The following SNX9 variants were observed in gnomAD, a reference collection of about 807,000 sequenced individuals.
The protein encoded by SNX9 is sorting nexin 9, also known as sorting nexin-9.
SNX9 carries 44 observed loss-of-function variants against 89.4 expected under a neutral mutation model. The ratio of observed to expected loss-of-function variants is 0.49; its 90% confidence interval spans 0.39 to 0.63. The LOEUF (loss-of-function observed/expected upper bound fraction) is 0.63. Among genes scored for constraint, SNX9 ranks in the 30% least tolerant of loss-of-function variants. SNX9 has a pLI of 0.00. For synonymous variants in SNX9, 236 were observed against 247.8 expected (o/e 0.95, Z 0.45); for missense variants, 578 against 736.1 (o/e 0.79, Z 2.49).
intron 9 of SNX9, among the ~76,000 whole-genome samples, chr6:157,917,725 A>G (rs1461303897): frequency 6.6e-6 from 1 of 152,182 alleles, no homozygotes; most frequent in Non-Finnish European, 1.5e-5. Context: ...TATAATACCT[A>G]ATACAATGTA....
At chr6:157,891,449 A>T (rs1007473509) in intron 4 of SNX9, among the ~76,000 whole-genome samples, 1 of 152,224 alleles carries the variant, frequency 6.6e-6, no homozygotes, top group Non-Finnish European at 1.5e-5. Flanking sequence ...AAGTCTTAGT[A>T]TACATAGTCT....
rs1782549380 is a variant in SNX9, at chr6:157,877,814, CTT to C, written c.300+2640_300+2641del. ...TCTGCCAACTTCTGAGCCAGTGTCT[CTT>C]TACTCATCTTAGCATCAGTAAGTTT... On this transcript the variant is annotated intron_variant, in intron 4 of 17. Coordinates refer to ENST00000392185, the MANE Select transcript of SNX9 (RefSeq NM_016224.5). Among the ~76,000 whole-genome samples, 5 of 152,242 alleles carry C rather than the reference CTT, an allele frequency of 3.3e-5. No individual in the cohort carries two copies. In the South Asian group the frequency reaches 1.0e-3, roughly 32 times the overall value.
At chr6:157,844,600 G>GTTTTTTTTTTTTTTTTTTTT (rs34836632) in intron 1 of SNX9, among the ~76,000 whole-genome samples, 3 of 131,830 alleles carry the variant, frequency 2.3e-5, no homozygotes, top group South Asian at 2.6e-4. Flanking sequence ...TTTTTTTTTT[G>GTTTTTTTTTTTTTTTTTTTT]TTTTTTTTTT....
At chr6:157,867,789 T>G (rs1306519399) in intron 2 of SNX9, among the ~76,000 whole-genome samples, 156 bp downstream of exon 2, 2 of 152,236 alleles carry the variant, frequency 1.3e-5, no homozygotes, top group Non-Finnish European at 2.9e-5. Context: ...CCACATGATT[T>G]TTTTCCTGTT....
chr6:157,935,178 G>C (rs530604925), intron 13 of SNX9, among the ~76,000 whole-genome samples: 1 of 152,242 alleles, frequency 6.6e-6, no homozygotes, highest in Non-Finnish European at 1.5e-5. Context: ...CTCTACCTCT[G>C]GGTAACCGGA....
intron 1 of SNX9, among the ~76,000 whole-genome samples, chr6:157,834,150 GTTTTTTTT>G (rs561509955): frequency 2.8e-5 from 1 of 35,642 alleles, no homozygotes; most frequent in Non-Finnish European, 4.8e-5. Context: ...GTCCACTGTG[GTTTTTTTT>G]TTTTTTTTTT....
intron 4 of SNX9, among the ~76,000 whole-genome samples, chr6:157,884,543 C>G (rs1782692292): frequency 3.3e-5 from 5 of 152,146 alleles, no homozygotes; most frequent in Admixed American, 2.6e-4. Context: ...TTGAGACTTT[C>G]TCTTTACAGA....
chr6:157,840,826 A>G (rs1475297665), intron 1 of SNX9, among the ~76,000 whole-genome samples: 2 of 152,202 alleles, frequency 1.3e-5, no homozygotes, highest in Non-Finnish European at 2.9e-5. Flanking sequence ...TCTGATAGAA[A>G]ATTTCAGATT....
At chr6:157,851,808 T>G (rs539039920) in intron 1 of SNX9, among the ~76,000 whole-genome samples, 1 of 152,224 alleles carries the variant, frequency 6.6e-6, no homozygotes, top group African/African-American at 2.4e-5. Flanking sequence ...AAGCTGGTCT[T>G]GAACTTCTGA....
chr6:157,844,500 TAGG>T (rs1279418760), intron 1 of SNX9, among the ~76,000 whole-genome samples: 44 of 151,630 alleles, frequency 2.9e-4, no homozygotes, highest in Admixed American at 2.8e-3. Context: ...GCACTGATCT[TAGG>T]AGCAGTTTAG....
chr6:157,916,048 T>C (rs1333944058), intron 9 of SNX9, among the ~76,000 whole-genome samples: 1 of 151,430 alleles, frequency 6.6e-6, no homozygotes, highest in Admixed American at 6.6e-5. Flanking sequence ...TTTTTTTTTT[T>C]GTTTGAGACG....
chr6:157,834,163 T>TTTG (rs1781532578), intron 1 of SNX9, among the ~76,000 whole-genome samples: 1 of 105,292 alleles, frequency 9.5e-6, no homozygotes, highest in African/African-American at 4.2e-5. Flanking sequence ...TTTTTTTTTT[T>TTTG]TTTTTTTTTT....
intron 7 of SNX9, among the ~76,000 whole-genome samples, chr6:157,907,070 C>T (rs1037211865): frequency 3.9e-5 from 6 of 152,142 alleles, no homozygotes; most frequent in African/African-American, 1.2e-4. Context: ...TGGAAGCCTC[C>T]AAGCTGAAGA....
intron 3 of SNX9, among the ~76,000 whole-genome samples, chr6:157,873,659 C>G (rs879640522): frequency 6.0e-5 from 9 of 149,400 alleles, no homozygotes; most frequent in Admixed American, 6.0e-4. Flanking sequence ...TATAATATGA[C>G]ACATATAACG....
chr6:157,851,076 T>C (rs1388902502), intron 1 of SNX9, among the ~76,000 whole-genome samples: 1 of 152,066 alleles, frequency 6.6e-6, no homozygotes, highest in African/African-American at 2.4e-5. Context: ...GCCCACATGG[T>C]GAAACCCTAT....
At chr6:157,905,309 A>T (rs75597730) in intron 6 of SNX9, among the ~76,000 whole-genome samples, 1,871 of 152,316 alleles carry the variant, frequency 0.012, 50 homozygotes, top group East Asian at 0.12. Context: ...ATGCGACTGG[A>T]ACTTCGTAGA....
At chr6:157,937,861 C>T (rs957025327) in intron 15 of SNX9, among the ~76,000 whole-genome samples, 7 of 152,204 alleles carry the variant, frequency 4.6e-5, no homozygotes, top group African/African-American at 1.7e-4. Context: ...CTTAACAGTC[C>T]TGGCATGTGG....
chr6:157,870,496 GCT>G (rs1174464800), intron 2 of SNX9, among the ~76,000 whole-genome samples: 5 of 145,378 alleles, frequency 3.4e-5, no homozygotes, highest in African/African-American at 7.8e-5. Flanking sequence ...AGTCTCACCT[GCT>G]CTCACACATA....
intron 10 of SNX9, among the ~76,000 whole-genome samples, chr6:157,925,679 A>G (rs1783677474): frequency 6.6e-6 from 1 of 152,072 alleles, no homozygotes; most frequent in South Asian, 2.1e-4. Flanking sequence ...CCTAAGCAAG[A>G]TTGAGCAAAA....
Sources: gnomAD v4.1 joint callset for allele counts (sites outside exome capture counted in the v4.1 genomes callset) on GRCh38, gnomAD v4.1.1 for gene constraint, MANE v1.5 for transcripts, NCBI Gene and HGNC (gene_info 2026-07-23, HGNC 2026-07-21) for gene names.